The following LRBA variants were observed in gnomAD, a reference collection of about 807,000 sequenced individuals.
LRBA encodes the protein LPS responsive beige-like anchor protein, also known as lipopolysaccharide-responsive and beige-like anchor protein.
Under a neutral mutation model 330.0 loss-of-function variants are expected in LRBA, and 176 were observed. That is an observed-to-expected ratio of 0.53 (90% confidence interval 0.47 to 0.60). LRBA has a LOEUF of 0.60. Among genes scored for constraint, LRBA ranks in the 20% least tolerant of loss-of-function variants. LRBA has a pLI of 0.00. For synonymous variants in LRBA, 1,230 were observed against 1,193.0 expected (o/e 1.03, Z -0.64); for missense variants, 3,259 against 3,444.8 (o/e 0.95, Z 1.35).
At chr4:150,782,492 G>A (rs543404358) in intron 34 of LRBA, among the ~76,000 whole-genome samples, 2 of 152,226 alleles carry the variant, frequency 1.3e-5, no homozygotes, top group African/African-American at 4.8e-5. Context: ...GCTTCTTCCA[G>A]CTTCTGGTGG....
intron 49 of LRBA, among the ~76,000 whole-genome samples, chr4:150,323,025 G>GTGTGTGTGTGTGTGTGTT (rs373782725): frequency 0.24 from 33,978 of 142,384 alleles, 4,674 homozygotes; most frequent in Non-Finnish European, 0.3. Context: ...GTGTGTGTGT[G>GTGTGTGTGTGTGTGTGTT]GGGATGCATT....
At position 150,733,600 on chromosome 4, in the gene LRBA, C is replaced by T. The variant is rs74928361; in HGVS notation, c.5754+1658G>A. The stretch of plus-strand genomic sequence containing the variant: ...CTCACACACACACACACACACACAC[C>T]TCAAGACCCCAAGACAGACTATCCA... On this transcript the variant is annotated intron_variant, in intron 36 of 56. Transcript: ENST00000651943. 9.1e-3 allele frequency among the ~76,000 whole-genome samples: 1,377 copies of T among 150,564 alleles called. 8 individuals carry two copies. The highest frequency in any genetic ancestry group is 0.017 in the Middle Eastern group (5 of 294).
chr4:150,350,211 T>G, intron 47 of LRBA, 52 bp from the exon 48 acceptor site: 5 of 1,323,188 alleles, frequency 3.8e-6, no homozygotes, highest in Non-Finnish European at 5.1e-6. Context: ...TTTAAAAATA[T>G]AGAGAGACAT....
At chr4:150,799,666 C>T (rs955158846) in intron 33 of LRBA, among the ~76,000 whole-genome samples, 11 of 152,158 alleles carry the variant, frequency 7.2e-5, no homozygotes, top group African/African-American at 2.7e-4. Flanking sequence ...TAAAAAAGAC[C>T]TTAAGCTATC....
chr4:150,603,630 A>T (rs1277050247), intron 37 of LRBA, among the ~76,000 whole-genome samples: 1 of 152,086 alleles, frequency 6.6e-6, no homozygotes, highest in Non-Finnish European at 1.5e-5. Context: ...AGTAACTGAG[A>T]CATCCTCCCC....
chr4:150,267,723 G>T (rs984886512), intron 56 of LRBA, among the ~76,000 whole-genome samples: 1 of 152,018 alleles, frequency 6.6e-6, no homozygotes, highest in African/African-American at 2.4e-5. Context: ...CCCAAAAATT[G>T]GTTCTTTGAA....
chr4:150,781,228 A>T (rs1036065135), intron 34 of LRBA, among the ~76,000 whole-genome samples: 10 of 152,350 alleles, frequency 6.6e-5, no homozygotes, highest in African/African-American at 2.4e-4. Context: ...AAATAATTAT[A>T]TAATGAACCA....
intron 36 of LRBA, among the ~76,000 whole-genome samples, chr4:150,722,304 G>T (rs1729043127): frequency 6.6e-6 from 1 of 152,042 alleles, no homozygotes; most frequent in South Asian, 2.1e-4. Context: ...ACACATATAA[G>T]CCCCTTGTGG....
chr4:150,841,051 A>AG (rs1214735609), intron 28 of LRBA: 2 of 1,129,936 alleles, frequency 1.8e-6, no homozygotes, highest in Admixed American at 2.9e-5. Context: ...ATGACTTCTT[A>AG]GTCTGTTGGA....
chr4:150,687,456 C>G (rs1263649801), intron 36 of LRBA, among the ~76,000 whole-genome samples: 1 of 151,998 alleles, frequency 6.6e-6, no homozygotes, highest in Admixed American at 6.6e-5. Context: ...TTTATATCAA[C>G]TTTTCTGTGT....
At chr4:150,773,445 G>C (rs564896175) in intron 34 of LRBA, among the ~76,000 whole-genome samples, 1 of 152,304 alleles carries the variant, frequency 6.6e-6, no homozygotes, top group African/African-American at 2.4e-5. Context: ...ACCACATCTG[G>C]TACAGCAGCA....
chr4:150,778,535 C>T (rs1230930862), intron 34 of LRBA, among the ~76,000 whole-genome samples: 1 of 152,132 alleles, frequency 6.6e-6, no homozygotes, highest in Non-Finnish European at 1.5e-5. Context: ...TCTGTATTTA[C>T]AGTTTTTCAG....
chr4:150,461,110 C>G (rs113945648), intron 44 of LRBA, among the ~76,000 whole-genome samples: 3 of 151,642 alleles, frequency 2.0e-5, no homozygotes, highest in Admixed American at 2.0e-4. Flanking sequence ...GGGATAAAGA[C>G]AACAAGAGTA....
intron 33 of LRBA, among the ~76,000 whole-genome samples, chr4:150,802,032 A>C (rs1417193464): frequency 9.0e-6 from 1 of 110,830 alleles, no homozygotes; most frequent in Admixed American, 1.1e-4. Context: ...TAAATAAATA[A>C]ATAAATAAAT....
intron 16 of LRBA, among the ~76,000 whole-genome samples, chr4:150,893,585 A>G (rs543272821): frequency 9.2e-5 from 14 of 152,224 alleles, no homozygotes; most frequent in African/African-American, 3.4e-4. Flanking sequence ...CTTGGCCTTA[A>G]GTGATCTGCC....
At chr4:150,687,541 G>A (rs1783735167) in intron 36 of LRBA, among the ~76,000 whole-genome samples, 1 of 151,626 alleles carries the variant, frequency 6.6e-6, no homozygotes, top group Non-Finnish European at 1.5e-5. Flanking sequence ...ACTATAAAAA[G>A]AAAAAAATAA....
chr4:150,879,024 A>G (rs1054740673), intron 17 of LRBA, among the ~76,000 whole-genome samples: 1 of 152,080 alleles, frequency 6.6e-6, no homozygotes, highest in African/African-American at 2.4e-5. Context: ...TATTTTACAA[A>G]GCCGGCATCA....
chr4:150,954,817 C>CAAAAAAAAA (rs34282784), intron 2 of LRBA, among the ~76,000 whole-genome samples: 1,192 of 45,004 alleles, frequency 0.026, no homozygotes, highest in Middle Eastern at 0.037. Flanking sequence ...ACTCAGAAAT[C>CAAAAAAAAA]AAAAAAAAAA....
intron 2 of LRBA, among the ~76,000 whole-genome samples, chr4:150,932,196 A>T (rs544804580): frequency 1.5e-4 from 23 of 152,262 alleles, no homozygotes; most frequent in African/African-American, 5.1e-4. Flanking sequence ...TCATATTGAC[A>T]TATTTAACTA....
Sources: gnomAD v4.1 joint callset for allele counts (sites outside exome capture counted in the v4.1 genomes callset) on GRCh38, gnomAD v4.1.1 for gene constraint, MANE v1.5 for transcripts, NCBI Gene and HGNC (gene_info 2026-07-23, HGNC 2026-07-21) for gene names.